EPS15L1: variants seen among roughly 807,000 people sequenced by gnomAD.
The protein encoded by EPS15L1 is epidermal growth factor receptor pathway substrate 15 like 1, also known as epidermal growth factor receptor substrate 15-like 1.
In EPS15L1, 43 loss-of-function variants were observed where a neutral mutation model predicts 117.1. The ratio of observed to expected loss-of-function variants is 0.37; its 90% CI spans 0.29 to 0.47. The LOEUF is 0.47. Among genes scored for constraint, EPS15L1 ranks in the 20% least tolerant of loss-of-function variants. The pLI is 0.99. For synonymous variants in EPS15L1, 459 were observed against 470.5 expected (o/e 0.98, Z 0.32); for missense variants, 981 against 1,164.0 (o/e 0.84, Z 2.29).
At position 16,441,878 on chromosome 19, in the gene EPS15L1, T is replaced by C. The variant is rs1391182895; in HGVS notation, c.165+14A>G. 2 of 1,603,644 alleles carry C rather than the reference T, an allele frequency of 1.2e-6. No homozygotes were observed. The highest frequency in any genetic ancestry group is 1.7e-5 in the Admixed American group (1 of 59,288). On this transcript the variant is annotated intron_variant, in intron 3 of 23. Transcript: ENST00000455140. The stretch of plus-strand genomic sequence containing the variant: ...GCAGCCACAGAAGAGAAATCACTAT[T>C]CATCTTCACATACCTTCCCAAGGAT...
chr19:16,413,679 C>CCCCTG, intron 13 of EPS15L1, 94 bp downstream of exon 13: 2 of 1,053,202 alleles, frequency 1.9e-6, no homozygotes, highest in Non-Finnish European at 3.0e-6. Context: ...CCAGGGCAGA[C>CCCCTG]CCCTGCCCTT....
At chr19:16,379,925 AC>A (rs910722948) in intron 21 of EPS15L1, among the ~76,000 whole-genome samples, 6 of 151,722 alleles carry the variant, frequency 4.0e-5, no homozygotes, top group African/African-American at 1.5e-4. Flanking sequence ...TCACACAGAC[AC>A]GGCCATCTAA....
intron 19 of EPS15L1, among the ~76,000 whole-genome samples, chr19:16,386,718 AT>A (rs1298964798): frequency 6.6e-6 from 1 of 152,162 alleles, no homozygotes; most frequent in Non-Finnish European, 1.5e-5. Flanking sequence ...GAACTTCATG[AT>A]CCACTCTCCC....
chr19:16,393,648 CAAAAA>C (rs919891560), intron 18 of EPS15L1, among the ~76,000 whole-genome samples: 5 of 81,624 alleles, frequency 6.1e-5, no homozygotes, highest in African/African-American at 1.8e-4. Flanking sequence ...GACTCCGTCT[CAAAAA>C]AAAAAAAAAT....
chr19:16,355,442 G>C lies in EPS15L1; in HGVS notation c.*263C>G, dbSNP rs545463554. 1.6e-4 allele frequency: 72 copies of C among 442,274 alleles called. 1 individual carries two copies. The South Asian group carries it at 3.0e-3, about 18-fold the overall frequency. The allele number at this position is 442,274 out of a possible 1,614,324, so 27.4% of individuals were successfully genotyped here. On this transcript the variant is annotated 3_prime_UTR_variant, in exon 24 of 24. Transcript: ENST00000455140. ...CGCTGTGTGTTCGTCCCCAGAGGAAGAGCGGGAGGCAGTCAGCCCCGGGGG... is the reference window on the plus strand; with the variant it reads ...CGCTGTGTGTTCGTCCCCAGAGGAACAGCGGGAGGCAGTCAGCCCCGGGGG...
intron 7 of EPS15L1, 129 bp downstream of exon 7, chr19:16,434,236 G>T: frequency 7.8e-7 from 1 of 1,280,872 alleles, no homozygotes; most frequent in Non-Finnish European, 1.1e-6. Flanking sequence ...GAGCGCTGAT[G>T]AAAGCCCCTG....
intron 9 of EPS15L1, among the ~76,000 whole-genome samples, chr19:16,424,190 C>A (rs1393898074): frequency 6.6e-6 from 1 of 152,158 alleles, no homozygotes; most frequent in Non-Finnish European, 1.5e-5. Context: ...TTGGGAGGCC[C>A]AGACAAGAGC....
At chr19:16,440,386 T>C (rs1215113213) in intron 4 of EPS15L1, among the ~76,000 whole-genome samples, 1 of 151,798 alleles carries the variant, frequency 6.6e-6, no homozygotes, top group African/African-American at 2.4e-5. Context: ...TGAGCCGAGA[T>C]TGCACCACTG....
chr19:16,425,501 A>G (rs2092862866), intron 8 of EPS15L1, among the ~76,000 whole-genome samples, 185 bp from the exon 9 acceptor site: 1 of 152,208 alleles, frequency 6.6e-6, no homozygotes, highest in South Asian at 2.1e-4. Flanking sequence ...TTTCCAAGAC[A>G]TGTGTTGAAT....
intron 1 of EPS15L1, among the ~76,000 whole-genome samples, chr19:16,457,960 CAG>C (rs1038783150): frequency 1.5e-4 from 23 of 152,186 alleles, no homozygotes; most frequent in Middle Eastern, 3.4e-3. Context: ...GCCCACTTCC[CAG>C]AGTCTCCCAA....
Position 16,371,375 on chromosome 19 carries a change from G to A in EPS15L1, c.2380+5747C>T, listed in dbSNP as rs1254768325. On this transcript the variant is annotated intron_variant, in intron 22 of 23. Transcript: ENST00000455140. This position sits in a 1 kb window ranked among gnomAD's most constrained non-coding sequence, Gnocchi z 4.7. ...GGGGCTTGTTTGCAAGGGGAAGAAT[G>A]ACTTTTGTCTTCTTCTTTTGTTGAG... Among the ~76,000 whole-genome samples the A allele has an allele frequency of 2.0e-5, 3 of 152,178 alleles. No individual in the cohort carries two copies. Among genetic ancestry groups the A allele is most frequent in the Non-Finnish European group, 4.4e-5 (3 of 68,016 alleles).
chr19:16,424,557 T>C (rs2092849859), intron 9 of EPS15L1, among the ~76,000 whole-genome samples: 1 of 151,890 alleles, frequency 6.6e-6, no homozygotes, highest in African/African-American at 2.4e-5. Flanking sequence ...ACACCTGTAA[T>C]CCCAGCACTT....
chr19:16,360,662 G>A (rs1003477923), intron 23 of EPS15L1, among the ~76,000 whole-genome samples: 1 of 152,132 alleles, frequency 6.6e-6, no homozygotes, highest in African/African-American at 2.4e-5. Context: ...CAGGAGGATC[G>A]CTTGAGCCCA....
At chr19:16,398,499 A>G (rs1471179508) in intron 16 of EPS15L1, among the ~76,000 whole-genome samples, 1 of 152,190 alleles carries the variant, frequency 6.6e-6, no homozygotes, top group Non-Finnish European at 1.5e-5. Flanking sequence ...GTCCTACTCT[A>G]AAGAAGCCAG....
chr19:16,410,992 C>T (rs1237198767), intron 13 of EPS15L1, among the ~76,000 whole-genome samples: 1 of 152,124 alleles, frequency 6.6e-6, no homozygotes, highest in African/African-American at 2.4e-5. Context: ...ATATATGCTA[C>T]AATATGGATG....
chr19:16,362,000 G>GAAAA lies in EPS15L1; in HGVS notation c.2381-20_2381-17dup. The GAAAA allele has an allele frequency of 7.3e-7, 1 of 1,375,536 alleles. No homozygotes were observed. Among genetic ancestry groups the GAAAA allele is most frequent in the Non-Finnish European group, 9.8e-7 (1 of 1,025,270 alleles). The allele number at this position is 1,375,536 out of a possible 1,614,324, so 85.2% of individuals were successfully genotyped here. On this transcript the variant is annotated splice_polypyrimidine_tract_variant and intron_variant, in intron 22 of 23. Coordinates refer to ENST00000455140, the MANE Select transcript of EPS15L1 (RefSeq NM_001258374.3). ...GTACTTTTACCTGGAAAGTTTAGGA[G>GAAAA]AAAAAAAAAAGGAGAAAGAAAGAAA...
chr19:16,410,935 T>C (rs1426526041), intron 13 of EPS15L1, among the ~76,000 whole-genome samples: 1 of 151,954 alleles, frequency 6.6e-6, no homozygotes, highest in Non-Finnish European at 1.5e-5. Context: ...ATGTGCTCCA[T>C]CCACACAATG....
At chr19:16,435,079 G>A (rs1489656221) in intron 6 of EPS15L1, 1 of 152,140 alleles carries the variant, frequency 6.6e-6, no homozygotes, top group Non-Finnish European at 1.5e-5. Flanking sequence ...TACCTCCCGA[G>A]TAGCTGGGAT....
In EPS15L1 at chr19:16,393,477, G is replaced by A. The variant is rs185546514; in HGVS notation, c.1966+474C>T. Among the ~76,000 whole-genome samples the A allele has an allele frequency of 2.0e-3, 299 of 151,550 alleles. 1 individual carries two copies. Among genetic ancestry groups the A allele is most frequent in the Non-Finnish European group, 3.1e-3 (207 of 67,846 alleles). On this transcript the variant is annotated intron_variant, in intron 18 of 23. Coordinates refer to ENST00000455140, the MANE Select transcript of EPS15L1 (RefSeq NM_001258374.3). The stretch of plus-strand genomic sequence containing the variant: ...AGCCTGGCTAACACGGTGAAACCCC[G>A]TCTCTACTAAAAATACAAAAAATTA...
Sources: allele counts gnomAD v4.1 joint callset (sites outside exome capture counted in the v4.1 genomes callset), GRCh38; gene constraint gnomAD v4.1.1; non-coding constraint Gnocchi (gnomAD v3.1); transcripts MANE v1.5; gene names NCBI Gene and HGNC (gene_info 2026-07-23, HGNC 2026-07-21).